SPTSSA: variants seen among roughly 807,000 people sequenced by gnomAD.
SPTSSA encodes serine palmitoyltransferase small subunit A, also known as small subunit of serine palmitoyltransferase A.
SPTSSA carries 8 observed loss-of-function variants against 9.1 expected under a neutral mutation model. The ratio of observed to expected loss-of-function variants is 0.88; its 90% CI spans 0.51 to 1.58. SPTSSA has a LOEUF of 1.58. Among genes scored for constraint, SPTSSA ranks in the 40% most tolerant of loss-of-function variants. The pLI, the probability that SPTSSA is intolerant of heterozygous loss-of-function variation, is 0.00. For synonymous variants in SPTSSA, 42 were observed against 37.7 expected, an observed-to-expected ratio of 1.11 and a Z score of -0.41; for missense variants, 100 against 93.8, an observed-to-expected ratio of 1.07 and a Z score of -0.27.
intron 1 of SPTSSA, among the ~76,000 whole-genome samples, chr14:34,443,173 T>TGTGTGTGTGTGTG (rs1883353515): frequency 6.2e-5 from 2 of 32,004 alleles, no homozygotes; most frequent in African/African-American, 1.8e-4. Flanking sequence ...GTGTGTGTGT[T>TGTGTGTGTGTGTG]TTGAGATTGA....
chr14:34,447,303 A>G (rs191688189), intron 1 of SPTSSA, among the ~76,000 whole-genome samples: 145 of 151,754 alleles, frequency 9.6e-4, no homozygotes, highest in African/African-American at 3.4e-3. Flanking sequence ...TTTAATCTAC[A>G]TAATTTTAGG....
chr14:34,439,326 G>T (rs1462104841), intron 1 of SPTSSA, among the ~76,000 whole-genome samples: 1 of 151,988 alleles, frequency 6.6e-6, no homozygotes. Flanking sequence ...CGGAGGCTTG[G>T]GGGGTACATC....
intron 1 of SPTSSA, among the ~76,000 whole-genome samples, chr14:34,435,566 C>A (rs1178690712): frequency 6.6e-6 from 1 of 150,402 alleles, no homozygotes; most frequent in Non-Finnish European, 1.5e-5. Flanking sequence ...TACTGTTATT[C>A]TCCCTGTGTA....
chr14:34,440,745 G>A (rs1883303130), intron 1 of SPTSSA, among the ~76,000 whole-genome samples: 1 of 152,098 alleles, frequency 6.6e-6, no homozygotes, highest in African/African-American at 2.4e-5. Context: ...GCCAGGTGTG[G>A]TGGCGCATGC....
At chr14:34,451,518 TC>T (rs1295513832) in intron 1 of SPTSSA, among the ~76,000 whole-genome samples, 2 of 151,862 alleles carry the variant, frequency 1.3e-5, no homozygotes, top group African/African-American at 2.4e-5. Context: ...GGTCAGGAGA[TC>T]GAGACCGTCC....
Position 34,433,649 on chromosome 14 carries a change from C to T in SPTSSA, c.*1552G>A, listed in dbSNP as rs1031710584. Reference sequence around the variant, plus strand: ...TATAAAATACTTCAAAAGTCTAGTCCTTAAAACGTAGGGCAAAAAATACCT... The same window carrying T: ...TATAAAATACTTCAAAAGTCTAGTCTTTAAAACGTAGGGCAAAAAATACCT... On this transcript the variant is annotated 3_prime_UTR_variant, in exon 2 of 2. Coordinates refer to ENST00000298130, the MANE Select transcript of SPTSSA (RefSeq NM_138288.4). 3 of 151,918 alleles carry T rather than the reference C, an allele frequency of 2.0e-5. No homozygotes were observed. Among genetic ancestry groups the T allele is most frequent in the African/African-American group, 7.3e-5 (3 of 41,354 alleles). The allele number at this position is 151,918 out of a possible 1,614,324, so 9.4% of individuals were successfully genotyped here. A position where few individuals can be genotyped will look rare whatever the true frequency, so the allele number is the denominator to read the frequency against.
intron 1 of SPTSSA, among the ~76,000 whole-genome samples, chr14:34,438,118 C>T (rs1003086884): frequency 2.6e-5 from 4 of 152,012 alleles, no homozygotes; most frequent in Non-Finnish European, 5.9e-5. Context: ...ATCCCCTTTA[C>T]TCTTAAAGTA....
rs139952493 is a variant in SPTSSA, at chr14:34,442,295, T to C, written c.113-6991A>G. Among the ~76,000 whole-genome samples, 60 of 152,340 alleles carry C rather than the reference T, an allele frequency of 3.9e-4. 1 individual carries two copies. The highest frequency in any genetic ancestry group is 1.3e-3 in the African/African-American group (56 of 41,572). ...TTTTTCAGGGGAATTAAATCTTCTT[T>C]TCTTACACTAAATTTTTCCTTTATC... On this transcript the variant is annotated intron_variant, in intron 1 of 1. Coordinates refer to ENST00000298130, the MANE Select transcript of SPTSSA (RefSeq NM_138288.4).
chr14:34,460,325 T>G (rs781208607), intron 1 of SPTSSA, among the ~76,000 whole-genome samples: 1 of 152,198 alleles, frequency 6.6e-6, no homozygotes, highest in African/African-American at 2.4e-5. Flanking sequence ...ATATTGGATG[T>G]CAGTTGGTTG....
intron 1 of SPTSSA, among the ~76,000 whole-genome samples, chr14:34,445,632 T>C (rs938897895): frequency 6.6e-6 from 1 of 152,374 alleles, no homozygotes; most frequent in East Asian, 1.9e-4. Flanking sequence ...CCTGGCTCTC[T>C]GGATGTATCA....
intron 1 of SPTSSA, among the ~76,000 whole-genome samples, chr14:34,446,045 T>G (rs967395782): frequency 1.3e-5 from 2 of 152,216 alleles, no homozygotes; most frequent in African/African-American, 2.4e-5. Context: ...AGCTTTCCCA[T>G]GCAAGAGGGC....
intron 1 of SPTSSA, among the ~76,000 whole-genome samples, chr14:34,451,616 C>A (rs372282497): frequency 3.3e-5 from 5 of 150,270 alleles, no homozygotes; most frequent in Admixed American, 6.7e-5. Context: ...CCAGCTACTC[C>A]GGAGGCTGAG....
chr14:34,434,262 T>A lies in SPTSSA; in HGVS notation c.*939A>T, dbSNP rs1027242448. The A allele has an allele frequency of 1.9e-4, 29 of 152,246 alleles. No homozygotes were observed. Among genetic ancestry groups the A allele is most frequent in the African/African-American group, 6.3e-4 (26 of 41,314 alleles). The allele number at this position is 152,246 out of a possible 1,614,324, so 9.4% of individuals were successfully genotyped here. A position where few individuals can be genotyped will look rare whatever the true frequency, so the allele number is the denominator to read the frequency against. On this transcript the variant is annotated 3_prime_UTR_variant, in exon 2 of 2. Transcript: ENST00000298130. ...ACCTTAAAAAAAACAATACAAAGAG[T>A]GAAAGGATTTTAACCAAGTTTACAT...
At position 34,435,232 on chromosome 14, in the gene SPTSSA, G is replaced by A. The variant is rs200857959; in HGVS notation, c.185C>T (p.Ala62Val). 3.7e-6 allele frequency: 6 copies of A among 1,613,576 alleles called. No homozygotes were observed. Among genetic ancestry groups the A allele is most frequent in the South Asian group, 1.1e-5 (1 of 90,986 alleles). The change falls in exon 2 of 2, where the codon GCG becomes GTG. Residue 62 changes from alanine to valine, a missense_variant. Physicochemically the swap from Ala to Val is moderately conservative, Grantham distance 64. Coordinates refer to ENST00000298130, the MANE Select transcript of SPTSSA (RefSeq NM_138288.4). ...TACGATTTCAAAGTAGTGCAATATC[G>A]CCATGATGTGCTGGGGCATGAAGAC... ...GYVFMPQHIM[A>V]ILHYFEIVQ
intron 1 of SPTSSA, among the ~76,000 whole-genome samples, chr14:34,439,462 A>T (rs1281748714): frequency 1.3e-5 from 2 of 152,120 alleles, no homozygotes; most frequent in Non-Finnish European, 2.9e-5. Context: ...ACATAGTAAG[A>T]CAATGTCTCT....
In SPTSSA at chr14:34,462,220, A is replaced by C; in HGVS notation, c.-13T>G. ...CCATCCCCGCCATGCGCCTCCCGCG[A>C]TGCAGCTCACACGTCAGTCTGTCCG... is the stretch of plus-strand genomic sequence containing the variant. On this transcript the variant is annotated 5_prime_UTR_variant, in exon 1 of 2. Coordinates refer to ENST00000298130, the MANE Select transcript of SPTSSA (RefSeq NM_138288.4). 6.6e-7 allele frequency: 1 copy of C among 1,514,876 alleles called. No individual in the cohort carries two copies. Among genetic ancestry groups the C allele is most frequent in the Non-Finnish European group, 8.9e-7 (1 of 1,123,236 alleles). 93.8% of individuals were successfully genotyped at this position (1,514,876 alleles called of 1,614,324 possible). A position where few individuals can be genotyped will look rare whatever the true frequency, so the allele number is the denominator to read the frequency against.
chr14:34,462,043 C>T (rs1380223042), intron 1 of SPTSSA, 53 bp downstream of exon 1: 14 of 1,223,346 alleles, frequency 1.1e-5, no homozygotes, highest in South Asian at 2.5e-5. Flanking sequence ...AAATGCGGCC[C>T]CGCGGCCCGC....
At chr14:34,437,509 T>C (rs963237781) in intron 1 of SPTSSA, among the ~76,000 whole-genome samples, 17 of 152,226 alleles carry the variant, frequency 1.1e-4, no homozygotes. Flanking sequence ...TAGAGGGATC[T>C]CTTTTGCTTG....
rs1268242245 is a variant in SPTSSA, at chr14:34,434,482, ACC to A, written c.*717_*718del. On this transcript the variant is annotated 3_prime_UTR_variant, in exon 2 of 2. Coordinates refer to ENST00000298130, the MANE Select transcript of SPTSSA (RefSeq NM_138288.4). ...CATTACATAATAATGCTACTTAACC[ACC>A]TTTTGTCTCAAGAATTATCACCAAA... The A allele has an allele frequency of 6.6e-6, 1 of 152,634 alleles. No homozygotes were observed. The highest frequency in any genetic ancestry group is 1.5e-5 in the Non-Finnish European group (1 of 68,028). The allele number at this position is 152,634 out of a possible 1,614,324, so 9.5% of individuals were successfully genotyped here.
Sources: allele counts gnomAD v4.1 joint callset (sites outside exome capture counted in the v4.1 genomes callset), GRCh38; gene constraint gnomAD v4.1.1; transcripts MANE v1.5; gene names NCBI Gene and HGNC (gene_info 2026-07-23, HGNC 2026-07-21).